The following EYA3 variants were observed in gnomAD, a reference collection of about 807,000 sequenced individuals.
EYA3 encodes EYA transcriptional coactivator and phosphatase 3.
A neutral mutation model predicts 80.0 loss-of-function variants in EYA3; 39 were observed. The ratio of observed to expected loss-of-function variants is 0.49; its 90% CI spans 0.38 to 0.64. The LOEUF is 0.64. Among genes scored for constraint, EYA3 ranks in the 30% least tolerant of loss-of-function variants. The pLI, the probability that EYA3 is intolerant of heterozygous loss-of-function variation, is 0.00. For synonymous variants in EYA3, 206 were observed against 232.8 expected, an observed-to-expected ratio of 0.88 and a Z score of 1.05; for missense variants, 523 against 676.1, an observed-to-expected ratio of 0.77 and a Z score of 2.51.
intron 1 of EYA3, among the ~76,000 whole-genome samples, chr1:28,079,401 A>G (rs1645340920): frequency 6.6e-6 from 1 of 152,178 alleles, no homozygotes; most frequent in Non-Finnish European, 1.5e-5. Context: ...TTCATTCCTC[A>G]GTCCTCTTTT....
intron 16 of EYA3, among the ~76,000 whole-genome samples, chr1:27,986,242 G>A (rs1275908886): frequency 4.0e-5 from 6 of 151,678 alleles, no homozygotes; most frequent in Admixed American, 3.9e-4. Context: ...GTGCATGCCT[G>A]TAATCTCAGC....
chr1:28,067,391 A>G (rs1387438830), intron 1 of EYA3, among the ~76,000 whole-genome samples: 1 of 152,242 alleles, frequency 6.6e-6, no homozygotes, highest in African/African-American at 2.4e-5. Flanking sequence ...ATATAATTTG[A>G]TAAGAATCAA....
chr1:28,057,983 G>C lies in EYA3; in HGVS notation c.33+11C>G. On this transcript the variant is annotated intron_variant, in intron 2 of 17. Coordinates refer to ENST00000373871, the MANE Select transcript of EYA3 (RefSeq NM_001990.4). The stretch of plus-strand genomic sequence containing the variant: ...TACAATCAACTTTAAACTGTTAAAG[G>C]AAATACTTACTGGTTGCTCTGGTAA... The C allele has an allele frequency of 1.3e-6, 2 of 1,557,308 alleles. No individual in the cohort carries two copies. Among genetic ancestry groups the C allele is most frequent in the Non-Finnish European group, 1.8e-6 (2 of 1,140,248 alleles).
chr1:27,976,980 A>T, intron 17 of EYA3: 1 of 980,356 alleles, frequency 1.0e-6, no homozygotes, highest in Non-Finnish European at 1.2e-6. Flanking sequence ...AGCCTCCCCA[A>T]GTGCTAGGAT....
At chr1:28,047,670 G>A (rs1012668337) in intron 3 of EYA3, among the ~76,000 whole-genome samples, 23 of 122,898 alleles carry the variant, frequency 1.9e-4, no homozygotes, top group African/African-American at 6.9e-4. Flanking sequence ...ACAGAGTCTC[G>A]CTCTGTCGCC....
chr1:28,038,696 G>A (rs189468319), intron 5 of EYA3, 143 bp downstream of exon 5: 28 of 493,012 alleles, frequency 5.7e-5, no homozygotes, highest in East Asian at 4.1e-4. Context: ...ATATTTAGAG[G>A]GAATTAAAAA....
In EYA3 at chr1:28,013,448, T is replaced by C. The variant is rs575776211; in HGVS notation, c.586-154A>G. Among the ~76,000 whole-genome samples the C allele has an allele frequency of 1.6e-4, 25 of 152,316 alleles. No homozygotes were observed. Among genetic ancestry groups the C allele is most frequent in the African/African-American group, 6.0e-4 (25 of 41,562 alleles). ...CCTACCTAAAAGTCTCCAATCTAAATCAATGATTTTCAAAATGCATTCTGT... is the reference window on the plus strand; with the variant it reads ...CCTACCTAAAAGTCTCCAATCTAAACCAATGATTTTCAAAATGCATTCTGT... On this transcript the variant is annotated intron_variant, in intron 8 of 17. Transcript: ENST00000373871. The surrounding 1 kb of genome is among the most constrained non-coding windows in gnomAD (Gnocchi z 4.0).
intron 1 of EYA3, among the ~76,000 whole-genome samples, chr1:28,083,844 C>T (rs1645517879): frequency 6.6e-6 from 1 of 152,166 alleles, no homozygotes; most frequent in South Asian, 2.1e-4. Context: ...CAGCCTGGTA[C>T]AATATTACCT....
intron 1 of EYA3, among the ~76,000 whole-genome samples, chr1:28,058,845 G>A (rs956467343): frequency 4.6e-5 from 7 of 152,150 alleles, no homozygotes; most frequent in Non-Finnish European, 1.0e-4. Context: ...ACCTTACCAT[G>A]TCCTACTGAC....
At chr1:28,026,150 C>T (rs563578965) in intron 7 of EYA3, among the ~76,000 whole-genome samples, 5 of 152,332 alleles carry the variant, frequency 3.3e-5, no homozygotes, top group African/African-American at 1.2e-4. Context: ...TATCACATTC[C>T]TCAAATTCTA....
At chr1:27,980,126 TTCAA>T (rs1432366230) in intron 16 of EYA3, among the ~76,000 whole-genome samples, 2 of 152,206 alleles carry the variant, frequency 1.3e-5, no homozygotes, top group African/African-American at 2.4e-5. Flanking sequence ...ATATGAGGGA[TTCAA>T]TCAATGTTTG....
chr1:28,079,705 C>T (rs1057337496), intron 1 of EYA3, among the ~76,000 whole-genome samples: 1 of 152,066 alleles, frequency 6.6e-6, no homozygotes, highest in Non-Finnish European at 1.5e-5. Context: ...CTCCCTCTCT[C>T]AATGATTGTT....
chr1:27,988,434 A>C, intron 16 of EYA3, 101 bp downstream of exon 16: 1 of 1,336,092 alleles, frequency 7.5e-7, no homozygotes, highest in Non-Finnish European at 1.0e-6. Context: ...TAGGTATTAC[A>C]AATAAAGTGT....
At chr1:28,017,104 G>A in intron 8 of EYA3, 50 bp downstream of exon 8, 1 of 1,483,388 alleles carries the variant, frequency 6.7e-7, no homozygotes, top group South Asian at 1.1e-5. Context: ...AGAAGAAAGA[G>A]CAAGCTGGAT....
At chr1:28,050,792 G>A (rs1208713495) in intron 2 of EYA3, among the ~76,000 whole-genome samples, 2 of 152,138 alleles carry the variant, frequency 1.3e-5, no homozygotes, top group Admixed American at 1.3e-4. Context: ...GGCAGTAGAG[G>A]CAGGTAAATT....
chr1:28,060,278 A>AT (rs1644574180), intron 1 of EYA3, among the ~76,000 whole-genome samples: 1 of 152,236 alleles, frequency 6.6e-6, no homozygotes, highest in East Asian at 1.9e-4. Context: ...ACAAAAACTA[A>AT]TTCGTTTTAA....
intron 10 of EYA3, among the ~76,000 whole-genome samples, chr1:28,006,223 A>G (rs1641260747): frequency 6.6e-6 from 1 of 151,782 alleles, no homozygotes; most frequent in Non-Finnish European, 1.5e-5. Flanking sequence ...GGCTTATTGG[A>G]AAAAAAAATT....
At chr1:28,003,561 C>T (rs943891506) in intron 11 of EYA3, among the ~76,000 whole-genome samples, 1 of 152,066 alleles carries the variant, frequency 6.6e-6, no homozygotes, top group African/African-American at 2.4e-5. Flanking sequence ...AGTAACAGGA[C>T]AGGTAAAGGA....
chr1:28,084,111 G>A (rs1645528657), intron 1 of EYA3, among the ~76,000 whole-genome samples: 1 of 152,064 alleles, frequency 6.6e-6, no homozygotes, highest in South Asian at 2.1e-4. Flanking sequence ...ACAGTAAGTT[G>A]GCACTATTTA....
Sources: allele counts gnomAD v4.1 joint callset (sites outside exome capture counted in the v4.1 genomes callset), GRCh38; gene constraint gnomAD v4.1.1; non-coding constraint Gnocchi (gnomAD v3.1); transcripts MANE v1.5; gene names NCBI Gene and HGNC (gene_info 2026-07-23, HGNC 2026-07-21).